The following CNRIP1 variants were observed in gnomAD, a reference collection of about 807,000 sequenced individuals.
CNRIP1 encodes cannabinoid receptor interacting protein 1, also known as CB1 cannabinoid receptor-interacting protein 1.
CNRIP1 carries 10 observed loss-of-function variants against 15.2 expected under a neutral mutation model. The observed-to-expected ratio is 0.66, with a 90% CI of 0.41 to 1.12. CNRIP1 has a LOEUF of 1.12. Among genes scored for constraint, CNRIP1 ranks in the 50% most tolerant of loss-of-function variants. The pLI is 0.00. For missense variants in CNRIP1, 211 were observed against 214.7 expected (o/e 0.98, Z 0.11); for synonymous variants, 91 against 83.2 (o/e 1.09, Z -0.51).
At chr2:68,308,233 AC>A (rs971368899) in intron 2 of CNRIP1, among the ~76,000 whole-genome samples, 28 of 151,250 alleles carry the variant, frequency 1.9e-4, no homozygotes, top group African/African-American at 3.2e-4. Context: ...AACAAAAAAA[AC>A]CCCCGATGTC....
chr2:68,318,672 G>A (rs1458481658), intron 1 of CNRIP1, among the ~76,000 whole-genome samples: 1 of 152,238 alleles, frequency 6.6e-6, no homozygotes, highest in Non-Finnish European at 1.5e-5. Context: ...AGTGTCTGCT[G>A]CTCCACCCCA....
At chr2:68,284,604 G>T (rs1670982565) in intron 2 of CNRIP1, 1 of 542,380 alleles carries the variant, frequency 1.8e-6, no homozygotes, top group South Asian at 2.5e-5. Flanking sequence ...TTGAGGTCAG[G>T]AGTTCGAGAC....
intron 2 of CNRIP1, among the ~76,000 whole-genome samples, chr2:68,285,052 T>C (rs145823921): frequency 6.6e-6 from 1 of 152,328 alleles, no homozygotes; most frequent in African/African-American, 2.4e-5. Context: ...TTAGCAGCTT[T>C]AAGCCTGTCT....
intron 2 of CNRIP1, among the ~76,000 whole-genome samples, chr2:68,300,368 C>T (rs532896529): frequency 1.3e-5 from 2 of 152,138 alleles, no homozygotes; most frequent in Non-Finnish European, 2.9e-5. Flanking sequence ...CTGGCAATCC[C>T]AGCATTTTGG....
chr2:68,317,417 C>T (rs1672317041), intron 1 of CNRIP1, 110 bp from the exon 2 acceptor site: 1 of 1,157,264 alleles, frequency 8.6e-7, no homozygotes, highest in South Asian at 1.4e-5. Context: ...CTAAGGGGGG[C>T]ATTGTGGTGC....
At chr2:68,304,410 AAT>A (rs1491041313) in intron 2 of CNRIP1, among the ~76,000 whole-genome samples, 2 of 151,042 alleles carry the variant, frequency 1.3e-5, no homozygotes, top group African/African-American at 2.4e-5. Context: ...TCAAAAAAAA[AAT>A]AAAGTTGGAG....
chr2:68,299,480 C>A (rs1671520976), intron 2 of CNRIP1, among the ~76,000 whole-genome samples: 1 of 152,106 alleles, frequency 6.6e-6, no homozygotes, highest in Middle Eastern at 3.2e-3. Flanking sequence ...TCTTCTTCTG[C>A]CGTATGAGGA....
At chr2:68,291,431 G>A (rs1347853802), downstream of CNRIP1, among the ~76,000 whole-genome samples, 1 of 152,158 alleles carries the variant, frequency 6.6e-6, no homozygotes, top group East Asian at 1.9e-4. Flanking sequence ...TCCAGGATGT[G>A]AGCAGGACTC....
At chr2:68,298,941 G>GCTC (rs1301294770) in intron 2 of CNRIP1, among the ~76,000 whole-genome samples, 2 of 152,294 alleles carry the variant, frequency 1.3e-5, no homozygotes, top group East Asian at 3.9e-4. Context: ...ACCCAGGCAG[G>GCTC]CTCCTGGGTG....
intron 2 of CNRIP1, among the ~76,000 whole-genome samples, chr2:68,297,567 C>CA (rs112601365): frequency 0.011 from 1,075 of 98,318 alleles, 31 homozygotes; most frequent in African/African-American, 0.014. Context: ...GACACTGTCT[C>CA]AAAAAAAAAA....
chr2:68,301,222 A>C (rs1469727434), intron 2 of CNRIP1, among the ~76,000 whole-genome samples: 1 of 152,244 alleles, frequency 6.6e-6, no homozygotes, highest in Non-Finnish European at 1.5e-5. Context: ...ACAGGGATTT[A>C]TCTTCTGAAT....
At chr2:68,308,449 TAG>T (rs1392536700) in intron 2 of CNRIP1, among the ~76,000 whole-genome samples, 2 of 151,932 alleles carry the variant, frequency 1.3e-5, no homozygotes, top group African/African-American at 2.4e-5. Flanking sequence ...TTATACTGTG[TAG>T]AGACATAATT....
chr2:68,298,235 G>A (rs1230093077), intron 2 of CNRIP1, among the ~76,000 whole-genome samples: 1 of 152,014 alleles, frequency 6.6e-6, no homozygotes, highest in Non-Finnish European at 1.5e-5. Flanking sequence ...CACACTTTAA[G>A]TGCAACTGAA....
At chr2:68,310,535 G>A (rs1346301592) in intron 2 of CNRIP1, among the ~76,000 whole-genome samples, 2 of 152,158 alleles carry the variant, frequency 1.3e-5, no homozygotes, top group African/African-American at 4.8e-5. Flanking sequence ...CATACTGCTG[G>A]AAGATAGAAT....
intron 2 of CNRIP1, among the ~76,000 whole-genome samples, chr2:68,315,569 C>A (rs58089926): frequency 1.5e-3 from 224 of 149,414 alleles, no homozygotes; most frequent in African/African-American, 5.4e-3. Context: ...TCATAAAATA[C>A]AATACCCATA....
At chr2:68,315,718 G>T (rs543355759) in intron 2 of CNRIP1, among the ~76,000 whole-genome samples, 1 of 152,022 alleles carries the variant, frequency 6.6e-6, no homozygotes, top group African/African-American at 2.4e-5. Flanking sequence ...TCTTGTCACC[G>T]AGGCTGGAGT....
intron 2 of CNRIP1, among the ~76,000 whole-genome samples, chr2:68,305,008 G>A (rs185894133): frequency 9.9e-4 from 150 of 152,198 alleles, no homozygotes; most frequent in African/African-American, 3.3e-3. Context: ...ACTTTGCGAA[G>A]CCGAGGGGTG....
intron 2 of CNRIP1, among the ~76,000 whole-genome samples, chr2:68,311,482 T>G (rs892356233): frequency 2.7e-5 from 4 of 149,248 alleles, no homozygotes; most frequent in African/African-American, 9.8e-5. Flanking sequence ...ATAACAAGAG[T>G]GAAAGAGTAG....
intron 2 of CNRIP1, among the ~76,000 whole-genome samples, chr2:68,296,957 C>T (rs1199846093): frequency 2.6e-5 from 4 of 151,964 alleles, no homozygotes; most frequent in Admixed American, 1.3e-4. Flanking sequence ...AGCAGAGACG[C>T]GGTTTAACCA....
Sources: allele counts gnomAD v4.1 joint callset (sites outside exome capture counted in the v4.1 genomes callset), GRCh38; gene constraint gnomAD v4.1.1; transcripts MANE v1.5; gene names NCBI Gene and HGNC (gene_info 2026-07-23, HGNC 2026-07-21).